Variants in AGTPBP1 observed in about 807,000 individuals in gnomAD.
AGTPBP1 encodes ATP/GTP binding carboxypeptidase 1.
AGTPBP1 carries 70 observed loss-of-function variants against 143.9 expected under a neutral mutation model. The ratio of observed to expected loss-of-function variants is 0.49; its 90% CI spans 0.40 to 0.59. The LOEUF (loss-of-function observed/expected upper bound fraction) is 0.59. Among genes scored for constraint, AGTPBP1 ranks in the 20% least tolerant of loss-of-function variants. The pLI is 0.00. For synonymous variants in AGTPBP1, 463 were observed against 500.2 expected (o/e 0.93, Z 0.99); for missense variants, 1,229 against 1,464.5 (o/e 0.84, Z 2.62).
intron 11 of AGTPBP1, among the ~76,000 whole-genome samples, chr9:85,652,635 T>C (rs1199834628): frequency 2.6e-5 from 4 of 152,208 alleles, no homozygotes; most frequent in African/African-American, 9.6e-5. Context: ...TACCTGGCTC[T>C]ATGCATCGCT....
rs1212529549 is a variant in AGTPBP1 at position 85,585,566 on chromosome 9, C to T, written c.3062G>A (p.Arg1021Gln). 1.0e-5 allele frequency: 16 copies of T among 1,606,532 alleles called. No individual in the cohort carries two copies. The highest frequency in any genetic ancestry group is 1.3e-5 in the Non-Finnish European group (15 of 1,176,570). ...ACCATACATAAATACATTCTTCTTT[C>T]GGGAATGGCCATGATAATCACAATA... ...LVYCDYHGHS[R>Q]KKNVFMYGCS... is the part of the protein sequence containing the mutation. Residue 1021 changes from arginine to glutamine, a missense_variant, in exon 23 of 26, where the codon CGA (arginine) becomes CAA (glutamine). Arg to Gln is a conservative substitution (Grantham distance 43, BLOSUM62 1). Transcript: ENST00000357081.
At chr9:85,798,376 T>C in the AGTPBP1 span, among the ~76,000 whole-genome samples, 1 of 150,784 alleles carries the variant, frequency 6.6e-6, no homozygotes, top group Non-Finnish European at 1.5e-5. Flanking sequence ...TTTTTTTTTT[T>C]TCTTTTTTGA....
chr9:85,731,116 T>A (rs1838850036), intron 1 of AGTPBP1, among the ~76,000 whole-genome samples: 1 of 152,214 alleles, frequency 6.6e-6, no homozygotes, highest in African/African-American at 2.4e-5. Flanking sequence ...TCAACTTTTT[T>A]AAATTAGGAA....
chr9:85,550,342 C>T (rs1399218457), intron 25 of AGTPBP1, among the ~76,000 whole-genome samples: 2 of 152,160 alleles, frequency 1.3e-5, no homozygotes, highest in Admixed American at 1.3e-4. Context: ...ATTCCAATCA[C>T]CATTTTCCAG....
intron 10 of AGTPBP1, among the ~76,000 whole-genome samples, chr9:85,656,563 T>C (rs1314746459): frequency 2.0e-5 from 3 of 152,092 alleles, no homozygotes; most frequent in Non-Finnish European, 2.9e-5. Flanking sequence ...TGGCTGATAT[T>C]TTCAAAAAGA....
chr9:85,638,819 A>T (rs1286560902), intron 13 of AGTPBP1, among the ~76,000 whole-genome samples: 1 of 152,058 alleles, frequency 6.6e-6, no homozygotes, highest in Non-Finnish European at 1.5e-5. Flanking sequence ...TGCAAATAGA[A>T]ACACACTCAT....
At chr9:85,671,781 C>G (rs1834496945) in intron 7 of AGTPBP1, among the ~76,000 whole-genome samples, 1 of 152,128 alleles carries the variant, frequency 6.6e-6, no homozygotes, top group Non-Finnish European at 1.5e-5. Context: ...TCTGTGAGCC[C>G]TCTTCTCTCT....
chr9:85,678,839 G>A (rs905476986), intron 4 of AGTPBP1, among the ~76,000 whole-genome samples: 5 of 152,076 alleles, frequency 3.3e-5, no homozygotes, highest in African/African-American at 1.2e-4. Context: ...TGTGCATACA[G>A]GTTTATTTCT....
chr9:85,779,553 G>C, the AGTPBP1 span, among the ~76,000 whole-genome samples: 1 of 152,108 alleles, frequency 6.6e-6, no homozygotes, highest in Non-Finnish European at 1.5e-5. Context: ...AAGGGTGGGT[G>C]TGCCTTCCCC....
At chr9:85,583,688 A>G (rs1291533277) in intron 23 of AGTPBP1, among the ~76,000 whole-genome samples, 2 of 152,134 alleles carry the variant, frequency 1.3e-5, no homozygotes, top group African/African-American at 2.4e-5. Flanking sequence ...ACTGTTTTGC[A>G]TTTACCTTCC....
chr9:85,747,937 C>CT, the AGTPBP1 span, among the ~76,000 whole-genome samples: 3 of 151,566 alleles, frequency 2.0e-5, no homozygotes, highest in Non-Finnish European at 2.9e-5. Context: ...TTATTTTCAA[C>CT]TTTTTTTTTC....
chr9:85,574,929 G>A (rs1233363248), intron 25 of AGTPBP1, among the ~76,000 whole-genome samples: 2 of 151,898 alleles, frequency 1.3e-5, no homozygotes, highest in Non-Finnish European at 1.5e-5. Context: ...GGCTGTTCTC[G>A]AACTCCTGAC....
the AGTPBP1 span, among the ~76,000 whole-genome samples, chr9:85,797,705 A>G: frequency 2.0e-5 from 3 of 152,116 alleles, no homozygotes; most frequent in African/African-American, 7.2e-5. Context: ...ATACACTAAC[A>G]ATAGCTGATG....
At chr9:85,726,358 T>C (rs566153409) in intron 1 of AGTPBP1, among the ~76,000 whole-genome samples, 6 of 152,350 alleles carry the variant, frequency 3.9e-5, no homozygotes, top group African/African-American at 1.2e-4. Context: ...AGTTATATCA[T>C]GAAAATTTAG....
At chr9:85,547,690 A>G (rs1825807083) in intron 25 of AGTPBP1, among the ~76,000 whole-genome samples, 1 of 152,222 alleles carries the variant, frequency 6.6e-6, no homozygotes, top group African/African-American at 2.4e-5. Flanking sequence ...TGAGCATTTA[A>G]TTGGCTTCTC....
chr9:85,792,994 T>C, the AGTPBP1 span, among the ~76,000 whole-genome samples: 1 of 152,182 alleles, frequency 6.6e-6, no homozygotes, highest in Admixed American at 6.5e-5. Flanking sequence ...CAATTTTAGT[T>C]ATGTATGTTT....
At chr9:85,802,587 T>C in the AGTPBP1 span, among the ~76,000 whole-genome samples, 2,328 of 143,734 alleles carry the variant, frequency 0.016, 15 homozygotes, top group African/African-American at 0.049. Context: ...CTTCTCTCTT[T>C]TTTTCTCAAT....
At chr9:85,781,141 A>G in the AGTPBP1 span, 8 of 1,460,634 alleles carry the variant, frequency 5.5e-6, no homozygotes, top group East Asian at 5.1e-5. Context: ...GAAACAAACA[A>G]AAACATAATT....
chr9:85,614,951 A>G (rs1451335366), intron 17 of AGTPBP1, among the ~76,000 whole-genome samples: 1 of 152,180 alleles, frequency 6.6e-6, no homozygotes, highest in Non-Finnish European at 1.5e-5. Flanking sequence ...AAAACAGAGC[A>G]ACAATGTTTA....
Sources: allele counts gnomAD v4.1 joint callset (sites outside exome capture counted in the v4.1 genomes callset), GRCh38; gene constraint gnomAD v4.1.1; transcripts MANE v1.5; gene names NCBI Gene and HGNC (gene_info 2026-07-23, HGNC 2026-07-21).